Variants in UNC5D observed in about 807,000 individuals in gnomAD.
UNC5D encodes unc-5 netrin receptor D.
In UNC5D, 39 loss-of-function variants were observed where a neutral mutation model predicts 105.4. That is an observed-to-expected ratio of 0.37 (90% CI 0.29 to 0.48). The LOEUF (loss-of-function observed/expected upper bound fraction) is 0.48. UNC5D is among the 20% of genes least tolerant of loss of function. The probability of loss-of-function intolerance (pLI) is 0.98; values close to 1 mark genes in which losing one functional copy is unlikely to be tolerated. For synonymous variants in UNC5D, 452 were observed against 450.4 expected (o/e 1.00, Z -0.04); for missense variants, 991 against 1,202.4 (o/e 0.82, Z 2.60).
At position 35,601,864 on chromosome 8, in the gene UNC5D, C is replaced by T. The variant is rs530989275; in HGVS notation, c.570+6207C>T. Among the ~76,000 whole-genome samples, 26 of 152,250 alleles carry T rather than the reference C, an allele frequency of 1.7e-4. 2 individuals carry two copies. In the South Asian group the frequency reaches 5.4e-3, roughly 32 times the overall value. Reference sequence around the variant, plus strand: ...GAATAGGAGTGGTGAGAGGGCATCCCTGTCTTGTGCCAGATTTCAAAGGGA... The same window carrying T: ...GAATAGGAGTGGTGAGAGGGCATCCTTGTCTTGTGCCAGATTTCAAAGGGA... On this transcript the variant is annotated intron_variant, in intron 4 of 16. Coordinates refer to ENST00000404895, the MANE Select transcript of UNC5D (RefSeq NM_080872.4).
chr8:35,779,390 C>T (rs1802400416), intron 16 of UNC5D, among the ~76,000 whole-genome samples: 1 of 152,126 alleles, frequency 6.6e-6, no homozygotes, highest in African/African-American at 2.4e-5. Context: ...GGACTATCTA[C>T]TTGGGGGTTA....
chr8:35,654,591 C>T (rs1823620838), intron 4 of UNC5D, among the ~76,000 whole-genome samples: 1 of 152,166 alleles, frequency 6.6e-6, no homozygotes, highest in Non-Finnish European at 1.5e-5. Flanking sequence ...TTTACTTTAT[C>T]ACCAGCCTGG....
intron 1 of UNC5D, among the ~76,000 whole-genome samples, chr8:35,271,766 T>A: frequency 6.8e-6 from 1 of 146,366 alleles, no homozygotes; most frequent in Non-Finnish European, 1.5e-5. Flanking sequence ...CATGTATACA[T>A]ATATTTACAT....
At chr8:35,583,421 G>C (rs550226795) in intron 3 of UNC5D, among the ~76,000 whole-genome samples, 1 of 152,200 alleles carries the variant, frequency 6.6e-6, no homozygotes, top group African/African-American at 2.4e-5. Flanking sequence ...GACCAGCATA[G>C]TCTTTCCATA....
chr8:35,399,831 C>G (rs1385563082), intron 1 of UNC5D, among the ~76,000 whole-genome samples: 3 of 151,928 alleles, frequency 2.0e-5, no homozygotes, highest in African/African-American at 7.3e-5. Flanking sequence ...ATGAAATACT[C>G]GATGTTTTCT....
chr8:35,445,706 C>T (rs554189798), intron 1 of UNC5D, among the ~76,000 whole-genome samples: 16 of 152,024 alleles, frequency 1.1e-4, no homozygotes, highest in Non-Finnish European at 2.2e-4. Context: ...ATCAACATCA[C>T]CTGGGAACCT....
intron 4 of UNC5D, among the ~76,000 whole-genome samples, chr8:35,609,414 T>C (rs1212262259): frequency 2.6e-5 from 4 of 152,216 alleles, no homozygotes; most frequent in East Asian, 1.9e-4. Context: ...CAGTAAGTCA[T>C]TGCTATCAGC....
intron 7 of UNC5D, among the ~76,000 whole-genome samples, chr8:35,694,678 C>T (rs958601806): frequency 8.6e-5 from 13 of 151,556 alleles, no homozygotes; most frequent in Admixed American, 6.6e-5. Context: ...CTCTATTATA[C>T]AAAATAGCAA....
intron 1 of UNC5D, among the ~76,000 whole-genome samples, chr8:35,470,617 A>T (rs1809640883): frequency 6.6e-6 from 1 of 151,130 alleles, no homozygotes; most frequent in South Asian, 2.1e-4. Flanking sequence ...AAAAAAAAAA[A>T]AAAATTACCT....
intron 16 of UNC5D, among the ~76,000 whole-genome samples, chr8:35,774,937 A>AAAAAG (rs1563753717): frequency 1.3e-5 from 2 of 151,952 alleles, no homozygotes; most frequent in Non-Finnish European, 2.9e-5. Flanking sequence ...AAAAAAAAAA[A>AAAAAG]AAAAGACACT....
chr8:35,289,780 A>T (rs533074807), intron 1 of UNC5D, among the ~76,000 whole-genome samples: 1 of 152,304 alleles, frequency 6.6e-6, no homozygotes, highest in African/African-American at 2.4e-5. Flanking sequence ...GCCAATAGGT[A>T]TATGAACAAA....
chr8:35,575,998 T>G (rs758758868), intron 3 of UNC5D, among the ~76,000 whole-genome samples: 2 of 152,178 alleles, frequency 1.3e-5, no homozygotes, highest in Non-Finnish European at 2.9e-5. Flanking sequence ...GAGGCTAGTT[T>G]TCCTGGGCAC....
chr8:35,287,178 T>C (rs1806660770), intron 1 of UNC5D, among the ~76,000 whole-genome samples: 1 of 152,132 alleles, frequency 6.6e-6, no homozygotes, highest in Non-Finnish European at 1.5e-5. Context: ...TTTGGCTTTC[T>C]CCTCAAATGC....
intron 1 of UNC5D, among the ~76,000 whole-genome samples, chr8:35,327,189 A>C (rs556988723): frequency 6.6e-6 from 1 of 152,314 alleles, no homozygotes; most frequent in South Asian, 2.1e-4. Flanking sequence ...AGCTGTAATG[A>C]TATTTTCTAA....
chr8:35,264,131 T>C (rs753095689), intron 1 of UNC5D, among the ~76,000 whole-genome samples: 1 of 152,152 alleles, frequency 6.6e-6, no homozygotes, highest in Non-Finnish European at 1.5e-5. Flanking sequence ...TTTTGGAGAG[T>C]GAAAGCATGG....
intron 1 of UNC5D, among the ~76,000 whole-genome samples, chr8:35,316,562 A>G (rs1427763575): frequency 3.9e-5 from 6 of 152,204 alleles, no homozygotes; most frequent in Non-Finnish European, 7.3e-5. Flanking sequence ...CTTATGCAGC[A>G]TCTTAGAAAA....
intron 4 of UNC5D, among the ~76,000 whole-genome samples, chr8:35,609,545 G>A (rs1272465900): frequency 6.6e-6 from 1 of 152,182 alleles, no homozygotes; most frequent in East Asian, 1.9e-4. Flanking sequence ...TTAGGGTGGA[G>A]ATGTCTACCA....
intron 1 of UNC5D, among the ~76,000 whole-genome samples, chr8:35,476,917 A>G (rs1002627746): frequency 6.6e-6 from 1 of 152,124 alleles, no homozygotes; most frequent in Non-Finnish European, 1.5e-5. Context: ...ATTGATTTCC[A>G]TTCTGCTTCC....
At chr8:35,493,776 G>A (rs1212427472) in intron 1 of UNC5D, among the ~76,000 whole-genome samples, 1 of 152,096 alleles carries the variant, frequency 6.6e-6, no homozygotes, top group Admixed American at 6.5e-5. Context: ...GGTTTCAATG[G>A]AGACTTTCTT....
Sources: gnomAD v4.1 joint callset for allele counts (sites outside exome capture counted in the v4.1 genomes callset) on GRCh38, gnomAD v4.1.1 for gene constraint, MANE v1.5 for transcripts, NCBI Gene and HGNC (gene_info 2026-07-23, HGNC 2026-07-21) for gene names.